PDE7B: variants seen among roughly 807,000 people sequenced by gnomAD.
PDE7B encodes the protein 3',5'-cyclic-AMP phosphodiesterase 7B.
PDE7B carries 29 observed loss-of-function variants against 56.2 expected under a neutral mutation model. The ratio of observed to expected loss-of-function variants is 0.52; its 90% CI spans 0.38 to 0.70. The LOEUF is 0.70. Among genes scored for constraint, PDE7B ranks in the 30% least tolerant of loss-of-function variants. The pLI is 0.00. For synonymous variants in PDE7B, 197 were observed against 196.9 expected, an observed-to-expected ratio of 1.00 and a Z score of 0.00; for missense variants, 490 against 565.0, an observed-to-expected ratio of 0.87 and a Z score of 1.35.
At chr6:136,089,562 TA>T (rs1396017168) in intron 2 of PDE7B, among the ~76,000 whole-genome samples, 1 of 152,182 alleles carries the variant, frequency 6.6e-6, no homozygotes, top group Non-Finnish European at 1.5e-5. Flanking sequence ...TAAAACCAAG[TA>T]AATGAATGGG....
intron 2 of PDE7B, among the ~76,000 whole-genome samples, chr6:136,103,662 T>C (rs1207778051): frequency 6.6e-6 from 1 of 152,196 alleles, no homozygotes; most frequent in Non-Finnish European, 1.5e-5. Context: ...ACCTTTCTGA[T>C]ACCAGCACTA....
intron 2 of PDE7B, among the ~76,000 whole-genome samples, chr6:136,088,244 T>C (rs913276209): frequency 1.1e-4 from 16 of 152,184 alleles, no homozygotes; most frequent in African/African-American, 2.7e-4. Context: ...ATCTGAGTTG[T>C]AGCAGGTTAT....
At chr6:135,997,878 A>G (rs1406590992) in intron 2 of PDE7B, among the ~76,000 whole-genome samples, 2 of 152,142 alleles carry the variant, frequency 1.3e-5, no homozygotes, top group Admixed American at 6.5e-5. Flanking sequence ...TTATATGGTC[A>G]TTTTCTTTTT....
chr6:135,944,241 C>T (rs1287606806), intron 1 of PDE7B, among the ~76,000 whole-genome samples: 1 of 152,080 alleles, frequency 6.6e-6, no homozygotes, highest in Non-Finnish European at 1.5e-5. Context: ...AAGACGTTCC[C>T]CCAGGACAGA....
chr6:136,095,209 C>T (rs1398637446), intron 2 of PDE7B, among the ~76,000 whole-genome samples: 2 of 152,080 alleles, frequency 1.3e-5, no homozygotes, highest in African/African-American at 4.8e-5. Flanking sequence ...TGTTTAATTG[C>T]TTATCAAATA....
chr6:136,083,355 C>T (rs1349824620), intron 2 of PDE7B, among the ~76,000 whole-genome samples: 1 of 152,118 alleles, frequency 6.6e-6, no homozygotes, highest in African/African-American at 2.4e-5. Flanking sequence ...CTTTGGAGAC[C>T]TCCTCAAGTA....
chr6:136,071,457 A>G (rs1777048872), intron 2 of PDE7B, among the ~76,000 whole-genome samples: 1 of 152,216 alleles, frequency 6.6e-6, no homozygotes, highest in Non-Finnish European at 1.5e-5. Flanking sequence ...GGAAAAGTAA[A>G]CTGGAAACAC....
chr6:136,053,440 T>G (rs1776669879), intron 2 of PDE7B, among the ~76,000 whole-genome samples: 1 of 152,254 alleles, frequency 6.6e-6, no homozygotes, highest in East Asian at 1.9e-4. Flanking sequence ...TGCCACATTT[T>G]CTTAATCCAG....
chr6:136,092,606 C>G (rs1777407013), intron 2 of PDE7B, among the ~76,000 whole-genome samples: 4 of 152,024 alleles, frequency 2.6e-5, no homozygotes, highest in Non-Finnish European at 4.4e-5. Flanking sequence ...ACCAAAAACA[C>G]AAAAATTAGC....
intron 3 of PDE7B, among the ~76,000 whole-genome samples, chr6:136,141,290 C>T (rs1035742000): frequency 6.6e-6 from 1 of 152,158 alleles, no homozygotes; most frequent in African/African-American, 2.4e-5. Flanking sequence ...GTATGTTGAA[C>T]CAGCCTTGCA....
At chr6:136,079,875 G>A (rs897092280) in intron 2 of PDE7B, among the ~76,000 whole-genome samples, 2 of 152,086 alleles carry the variant, frequency 1.3e-5, no homozygotes, top group Non-Finnish European at 2.9e-5. Context: ...GAGAATGAGT[G>A]TGAGAGTTTG....
intron 1 of PDE7B, among the ~76,000 whole-genome samples, chr6:135,917,082 C>T (rs1773965986): frequency 6.6e-6 from 1 of 152,108 alleles, no homozygotes; most frequent in African/African-American, 2.4e-5. Flanking sequence ...GTCTACAATA[C>T]ATAAAATTTT....
At chr6:136,075,449 C>A (rs550449680) in intron 2 of PDE7B, among the ~76,000 whole-genome samples, 1 of 152,108 alleles carries the variant, frequency 6.6e-6, no homozygotes, top group African/African-American at 2.4e-5. Flanking sequence ...ATAGCACAAT[C>A]GCTGGAACAC....
chr6:135,924,479 C>T (rs1017621219), intron 1 of PDE7B, among the ~76,000 whole-genome samples: 15 of 152,194 alleles, frequency 9.9e-5, no homozygotes, highest in South Asian at 2.1e-4. Flanking sequence ...GTGACGTGTC[C>T]GAAGTCATAC....
At chr6:136,032,141 G>A (rs1246705816) in intron 2 of PDE7B, among the ~76,000 whole-genome samples, 1 of 152,166 alleles carries the variant, frequency 6.6e-6, no homozygotes, top group African/African-American at 2.4e-5. Context: ...AAAAATGTTT[G>A]AGAAATAAAG....
intron 9 of PDE7B, among the ~76,000 whole-genome samples, chr6:136,176,778 C>T (rs757763492): frequency 2.6e-5 from 4 of 152,062 alleles, no homozygotes; most frequent in East Asian, 1.9e-4. Flanking sequence ...CCATTTTTCT[C>T]GTACTATTGA....
chr6:135,856,609 T>G (rs1268053361), intron 1 of PDE7B, among the ~76,000 whole-genome samples: 1 of 152,120 alleles, frequency 6.6e-6, no homozygotes, highest in African/African-American at 2.4e-5. Flanking sequence ...TCAATCACCT[T>G]AATCGAGACA....
At chr6:136,139,856 G>T in intron 3 of PDE7B, among the ~76,000 whole-genome samples, 1 of 152,132 alleles carries the variant, frequency 6.6e-6, no homozygotes. Flanking sequence ...GTTCATTGTA[G>T]ATTCTGGATA....
At chr6:135,852,932 C>T in intron 1 of PDE7B, among the ~76,000 whole-genome samples, 1 of 152,166 alleles carries the variant, frequency 6.6e-6, no homozygotes, top group East Asian at 1.9e-4. Flanking sequence ...ACAGTAAACA[C>T]ACTAAATGCT....
Sources: allele counts gnomAD v4.1 joint callset (sites outside exome capture counted in the v4.1 genomes callset), GRCh38; gene constraint gnomAD v4.1.1; transcripts MANE v1.5; gene names NCBI Gene and HGNC (gene_info 2026-07-23, HGNC 2026-07-21).